TRABD2B: variants seen among roughly 807,000 people sequenced by gnomAD.
The protein encoded by TRABD2B is TraB domain containing 2B, also known as metalloprotease TIKI2.
TRABD2B carries 14 observed loss-of-function variants against 40.1 expected under a neutral mutation model. The ratio of observed to expected loss-of-function variants is 0.35; its 90% CI spans 0.23 to 0.55. The LOEUF is 0.55. Ranked by LOEUF, TRABD2B falls within the 20% of genes least tolerant of loss-of-function variation. The pLI, the probability that TRABD2B is intolerant of heterozygous loss-of-function variation, is 0.90. For missense variants in TRABD2B, 541 were observed against 648.6 expected (o/e 0.83, Z 1.80); for synonymous variants, 263 against 277.0 (o/e 0.95, Z 0.50).
chr1:47,889,544 C>T (rs1049005617), intron 2 of TRABD2B, among the ~76,000 whole-genome samples: 1 of 152,146 alleles, frequency 6.6e-6, no homozygotes, highest in Non-Finnish European at 1.5e-5. Flanking sequence ...GTTGACTCTG[C>T]CAATAGCAAA....
chr1:47,897,873 TA>T (rs1644546010), intron 2 of TRABD2B, among the ~76,000 whole-genome samples: 1 of 152,206 alleles, frequency 6.6e-6, no homozygotes, highest in Non-Finnish European at 1.5e-5. Flanking sequence ...TGGTAAGGAT[TA>T]AACTAACATG....
intron 2 of TRABD2B, among the ~76,000 whole-genome samples, chr1:47,940,203 C>G (rs1170209254): frequency 6.6e-6 from 1 of 152,216 alleles, no homozygotes; most frequent in East Asian, 1.9e-4. Flanking sequence ...CAAGATGCAG[C>G]CTTGCTGAAC....
intron 2 of TRABD2B, among the ~76,000 whole-genome samples, chr1:47,816,035 C>T (rs1237028575): frequency 1.3e-5 from 2 of 152,146 alleles, no homozygotes; most frequent in Non-Finnish European, 2.9e-5. Context: ...ACCAAGGAGC[C>T]CCATCAATCA....
At chr1:47,953,294 A>G (rs563755491) in intron 2 of TRABD2B, among the ~76,000 whole-genome samples, 65 of 152,222 alleles carry the variant, frequency 4.3e-4, no homozygotes, top group Non-Finnish European at 7.9e-4. Flanking sequence ...TAAATGGAAC[A>G]CATACAAACG....
intron 2 of TRABD2B, among the ~76,000 whole-genome samples, chr1:47,919,312 A>C (rs1236166025): frequency 2.0e-5 from 3 of 152,262 alleles, no homozygotes; most frequent in Non-Finnish European, 4.4e-5. Flanking sequence ...GCATGCGCTC[A>C]GCCCTCCCCA....
chr1:47,838,210 G>A (rs1179068821), intron 2 of TRABD2B, among the ~76,000 whole-genome samples: 1 of 152,174 alleles, frequency 6.6e-6, no homozygotes, highest in East Asian at 1.9e-4. Flanking sequence ...CACATCCATG[G>A]CTGGTTTCTA....
At chr1:47,836,031 G>A (rs1645313929) in intron 2 of TRABD2B, among the ~76,000 whole-genome samples, 1 of 152,220 alleles carries the variant, frequency 6.6e-6, no homozygotes, top group South Asian at 2.1e-4. Context: ...TGGCACAAAG[G>A]AGGAGGGAGG....
intron 2 of TRABD2B, among the ~76,000 whole-genome samples, chr1:47,890,969 G>T (rs1288608862): frequency 6.6e-6 from 1 of 152,140 alleles, no homozygotes; most frequent in Non-Finnish European, 1.5e-5. Flanking sequence ...AACAGCACTC[G>T]CTGGATCCCA....
At chr1:47,897,104 T>C (rs1431681587) in intron 2 of TRABD2B, among the ~76,000 whole-genome samples, 1 of 151,992 alleles carries the variant, frequency 6.6e-6, no homozygotes, top group Non-Finnish European at 1.5e-5. Context: ...GGAAGTGTTA[T>C]GGGAAAGGAG....
intron 2 of TRABD2B, among the ~76,000 whole-genome samples, chr1:47,964,122 A>C (rs922058083): frequency 6.6e-6 from 1 of 152,204 alleles, no homozygotes; most frequent in African/African-American, 2.4e-5. Flanking sequence ...CTGATTGTCC[A>C]TGGAAAGTTT....
chr1:47,914,270 A>C (rs909211884), intron 2 of TRABD2B, among the ~76,000 whole-genome samples: 1 of 152,234 alleles, frequency 6.6e-6, no homozygotes, highest in African/African-American at 2.4e-5. Context: ...AGCCCAGGGA[A>C]TGCAAGCATT....
At chr1:47,947,643 G>A (rs1570345736) in intron 2 of TRABD2B, among the ~76,000 whole-genome samples, 1 of 152,264 alleles carries the variant, frequency 6.6e-6, no homozygotes, top group South Asian at 2.1e-4. Context: ...TTGGTAAACA[G>A]CAAAGGATGG....
At chr1:47,969,159 T>C (rs1227526527) in intron 2 of TRABD2B, among the ~76,000 whole-genome samples, 1 of 152,224 alleles carries the variant, frequency 6.6e-6, no homozygotes, top group Non-Finnish European at 1.5e-5. Context: ...GCCCAGGCTA[T>C]TATCACAGAA....
chr1:47,952,958 C>T (rs1033502151), intron 2 of TRABD2B, among the ~76,000 whole-genome samples: 12 of 152,138 alleles, frequency 7.9e-5, no homozygotes, highest in African/African-American at 2.4e-4. Context: ...TTGGGACAGC[C>T]GCACTCTGCT....
intron 4 of TRABD2B, among the ~76,000 whole-genome samples, chr1:47,787,508 C>T (rs1303964068): frequency 2.0e-5 from 3 of 152,156 alleles, no homozygotes; most frequent in East Asian, 1.9e-4. Flanking sequence ...CTTGCCGCCT[C>T]CCCTCCCTAC....
intron 3 of TRABD2B, among the ~76,000 whole-genome samples, chr1:47,796,309 C>T (rs900258097): frequency 6.6e-6 from 1 of 152,228 alleles, no homozygotes; most frequent in Non-Finnish European, 1.5e-5. Context: ...CCCTCTTCCA[C>T]TTCTCTATCT....
At chr1:47,887,411 T>C (rs539048451) in intron 2 of TRABD2B, among the ~76,000 whole-genome samples, 1 of 151,494 alleles carries the variant, frequency 6.6e-6, no homozygotes, top group South Asian at 2.1e-4. Flanking sequence ...AGTGGTTTTA[T>C]CTGTGGCTTT....
chr1:47,836,365 C>T (rs773723904), intron 2 of TRABD2B, among the ~76,000 whole-genome samples: 2 of 152,192 alleles, frequency 1.3e-5, no homozygotes, highest in Non-Finnish European at 2.9e-5. Context: ...TGGGAGGCCA[C>T]CCTGGTGGCC....
chr1:47,909,119 G>A (rs979794177), intron 2 of TRABD2B, among the ~76,000 whole-genome samples: 1 of 152,226 alleles, frequency 6.6e-6, no homozygotes, highest in African/African-American at 2.4e-5. Context: ...TGCTAGGCAT[G>A]CTCTTAATAA....
Sources: gnomAD v4.1 joint callset for allele counts (sites outside exome capture counted in the v4.1 genomes callset) on GRCh38, gnomAD v4.1.1 for gene constraint, MANE v1.5 for transcripts, NCBI Gene and HGNC (gene_info 2026-07-23, HGNC 2026-07-21) for gene names.